The following BICDL1 variants were observed in gnomAD, a reference collection of about 807,000 sequenced individuals.
BICDL1 encodes the protein BICD family like cargo adaptor 1, also known as BICD family-like cargo adapter 1.
In BICDL1, 20 loss-of-function variants were observed where a neutral mutation model predicts 76.8. The ratio of observed to expected loss-of-function variants is 0.26; its 90% confidence interval spans 0.18 to 0.38. The LOEUF (loss-of-function observed/expected upper bound fraction) is 0.38, where lower values mean the gene tolerates loss of function less well. Among genes scored for constraint, BICDL1 ranks in the 10% least tolerant of loss-of-function variants. The pLI is 1.00. For missense variants in BICDL1, 700 were observed against 798.6 expected, an observed-to-expected ratio of 0.88 and a Z score of 1.49; for synonymous variants, 383 against 337.1, an observed-to-expected ratio of 1.14 and a Z score of -1.49.
At chr12:120,077,807 C>G (rs1873673883) in intron 7 of BICDL1, among the ~76,000 whole-genome samples, 1 of 151,768 alleles carries the variant, frequency 6.6e-6, no homozygotes, top group African/African-American at 2.4e-5. Flanking sequence ...CCCGCCCACC[C>G]TCACACGCTT....
chr12:120,026,515 G>A (rs973564410), intron 2 of BICDL1, among the ~76,000 whole-genome samples: 2 of 152,158 alleles, frequency 1.3e-5, no homozygotes, highest in African/African-American at 2.4e-5. Context: ...AAATGGAACC[G>A]AAGGCTTTGC....
intron 3 of BICDL1, among the ~76,000 whole-genome samples, chr12:120,063,654 G>T (rs1444872237): frequency 6.6e-6 from 1 of 152,194 alleles, no homozygotes; most frequent in Admixed American, 6.5e-5. Context: ...AGAGCTTGGA[G>T]AATATTTTAA....
chr12:120,022,427 T>G (rs1449100645), intron 2 of BICDL1, among the ~76,000 whole-genome samples: 1 of 147,214 alleles, frequency 6.8e-6, no homozygotes, highest in Non-Finnish European at 1.5e-5. Flanking sequence ...TATATATTTT[T>G]TATATTATAT....
chr12:120,003,209 A>T (rs75488739), intron 2 of BICDL1, among the ~76,000 whole-genome samples: 1 of 151,722 alleles, frequency 6.6e-6, no homozygotes, highest in Non-Finnish European at 1.5e-5. Flanking sequence ...TGGGGAGACA[A>T]CATCTGAGAT....
chr12:120,025,285 C>T (rs921103401), intron 2 of BICDL1, among the ~76,000 whole-genome samples: 4 of 151,690 alleles, frequency 2.6e-5, no homozygotes, highest in African/African-American at 4.8e-5. Flanking sequence ...CTCCTGACCT[C>T]GTGATCCGCC....
intron 9 of BICDL1, chr12:120,092,413 T>C: frequency 3.0e-6 from 3 of 985,462 alleles, no homozygotes; most frequent in South Asian, 4.7e-5. Flanking sequence ...CTGCCGCAGA[T>C]GGGAGCCTCA....
chr12:120,088,384 T>G (rs1302637302), intron 8 of BICDL1, among the ~76,000 whole-genome samples: 1 of 152,122 alleles, frequency 6.6e-6, no homozygotes, highest in Non-Finnish European at 1.5e-5. Context: ...TGAGACGGAG[T>G]CTTGCTCTAT....
At position 120,015,244 on chromosome 12, in the gene BICDL1, A is replaced by G. The variant is rs533396242; in HGVS notation, c.645+16508A>G. Among the ~76,000 whole-genome samples the G allele has an allele frequency of 3.9e-5, 6 of 152,274 alleles. 1 individual carries two copies. Among genetic ancestry groups the G allele is most frequent in the South Asian group, 2.1e-4 (1 of 4,826 alleles). On this transcript the variant is annotated intron_variant, in intron 2 of 9. Coordinates refer to ENST00000548673, the MANE Select transcript of BICDL1 (RefSeq NM_001367886.1). ...CTCCTCCATTTTTTCCCATTGTCAGATACCTTCCTCTTTGGAAGCTCTAAA... is the reference window on the plus strand; with the variant it reads ...CTCCTCCATTTTTTCCCATTGTCAGGTACCTTCCTCTTTGGAAGCTCTAAA...
At chr12:119,997,353 G>T (rs1417076621) in intron 1 of BICDL1, among the ~76,000 whole-genome samples, 1 of 152,134 alleles carries the variant, frequency 6.6e-6, no homozygotes, top group Non-Finnish European at 1.5e-5. Context: ...TATGCAATTT[G>T]TTTTATCAGT....
At chr12:120,044,055 G>A (rs565915871) in intron 2 of BICDL1, among the ~76,000 whole-genome samples, 1 of 152,152 alleles carries the variant, frequency 6.6e-6, no homozygotes, top group Non-Finnish European at 1.5e-5. Context: ...AATTTATCAG[G>A]TGAAAATTTG....
At chr12:120,040,564 C>T (rs942805898) in intron 2 of BICDL1, among the ~76,000 whole-genome samples, 1 of 151,918 alleles carries the variant, frequency 6.6e-6, no homozygotes, top group African/African-American at 2.4e-5. Context: ...TATAGGCATA[C>T]ACTACCACAC....
At chr12:120,066,682 G>T (rs1480473787) in intron 4 of BICDL1, among the ~76,000 whole-genome samples, 1 of 152,180 alleles carries the variant, frequency 6.6e-6, no homozygotes, top group Non-Finnish European at 1.5e-5. Context: ...GCATTTATAG[G>T]CTGAATTCTC....
Position 120,071,782 on chromosome 12 carries a change from T to TGGAGCAGGAGCG in BICDL1, c.1071_1082dup (p.Glu360_Gln363dup). 1 of 1,609,466 alleles carries TGGAGCAGGAGCG rather than the reference T, an allele frequency of 6.2e-7. No individual in the cohort carries two copies. The highest frequency in any genetic ancestry group is 8.5e-7 in the Non-Finnish European group (1 of 1,178,780). ...GAGCAGAGCATGGAGGCTGAGGAGC[T>TGGAGCAGGAGCG]GGAGCAGGAGCGAGAGCAGGTGCTG... On this transcript the variant is annotated inframe_insertion, in exon 5 of 10. Transcript: ENST00000548673. The surrounding 1 kb of genome is among the most constrained non-coding windows in gnomAD (Gnocchi z 4.8).
Position 120,071,677 on chromosome 12 carries a change from A to G in BICDL1, c.965A>G (p.Gln322Arg). ...GTGCGTCTCTCCTGCCGACAGCTGC[A>G]GGTGAAGGTGGAAGAACTCACTGAG... ...QEVRLSCRQL[Q>R]VKVEELTEER... The change falls in exon 5 of 10, where the codon CAG becomes CGG. Residue 322 changes from glutamine to arginine, a missense_variant. Around this residue, in one of 3 missense-constraint regions of BICDL1, gnomAD observed 455 missense variants for 548.7 expected, o/e 0.83. Transcript: ENST00000548673. This position sits in a 1 kb window ranked among gnomAD's most constrained non-coding sequence, Gnocchi z 4.8. 6.2e-7 allele frequency: 1 copy of G among 1,612,518 alleles called. No individual in the cohort carries two copies.
intron 8 of BICDL1, among the ~76,000 whole-genome samples, chr12:120,088,735 G>A (rs1023937116): frequency 6.6e-6 from 1 of 151,368 alleles, no homozygotes. Context: ...GGCGCGATCT[G>A]GGCTTACTGC....
intron 1 of BICDL1, among the ~76,000 whole-genome samples, chr12:119,993,804 T>C (rs1951578761): frequency 6.6e-6 from 1 of 152,182 alleles, no homozygotes; most frequent in Non-Finnish European, 1.5e-5. Flanking sequence ...TTTTTAGAGA[T>C]GGGGTTTCAC....
chr12:120,071,843 G>T lies in BICDL1; in HGVS notation c.1089+42G>T. 1 of 1,525,312 alleles carries T rather than the reference G, an allele frequency of 6.6e-7. No homozygotes were observed. The highest frequency in any genetic ancestry group is 8.8e-7 in the Non-Finnish European group (1 of 1,137,170). 94.5% of individuals were successfully genotyped at this position (1,525,312 alleles called of 1,614,324 possible). On this transcript the variant is annotated intron_variant, in intron 5 of 9. Coordinates refer to ENST00000548673, the MANE Select transcript of BICDL1 (RefSeq NM_001367886.1). The surrounding 1 kb of genome is among the most constrained non-coding windows in gnomAD (Gnocchi z 4.8). The stretch of plus-strand genomic sequence containing the variant: ...CACCCCACAGGCGAGGCTACCTGGG[G>T]TTGCTTAGGTCTCATCCTCCTCCCT...
At chr12:120,021,020 C>A (rs1385620780) in intron 2 of BICDL1, among the ~76,000 whole-genome samples, 1 of 152,194 alleles carries the variant, frequency 6.6e-6, no homozygotes, top group African/African-American at 2.4e-5. Flanking sequence ...GTGGTGTCTA[C>A]ACCTGTAATC....
chr12:120,065,774 T>G (rs1953206952), intron 4 of BICDL1, among the ~76,000 whole-genome samples: 1 of 152,354 alleles, frequency 6.6e-6, no homozygotes, highest in Middle Eastern at 3.4e-3. Flanking sequence ...AAGGTCCCAC[T>G]GGGCTCATAG....
Sources: gnomAD v4.1 joint callset for allele counts (sites outside exome capture counted in the v4.1 genomes callset) on GRCh38, gnomAD v4.1.1 for gene constraint, gnomAD v4.1.1 regional missense constraint, Gnocchi (gnomAD v3.1) non-coding constraint, MANE v1.5 for transcripts, NCBI Gene and HGNC (gene_info 2026-07-23, HGNC 2026-07-21) for gene names.